ZCCHC7: variants seen among roughly 807,000 people sequenced by gnomAD.
ZCCHC7 encodes the protein zinc finger CCHC domain-containing protein 7.
Under a neutral mutation model 52.0 loss-of-function variants are expected in ZCCHC7, and 35 were observed. The observed-to-expected ratio is 0.67, with a 90% CI of 0.51 to 0.89. The LOEUF (loss-of-function observed/expected upper bound fraction) is 0.89. Ranked by LOEUF, ZCCHC7 falls within the 40% of genes least tolerant of loss-of-function variation. ZCCHC7 has a pLI of 0.00. For missense variants in ZCCHC7, 574 were observed against 649.1 expected (o/e 0.88, Z 1.26); for synonymous variants, 217 against 221.5 (o/e 0.98, Z 0.18).
chr9:37,305,023 G>A (rs754643977), intron 4 of ZCCHC7, among the ~76,000 whole-genome samples: 34 of 152,278 alleles, frequency 2.2e-4, no homozygotes, highest in East Asian at 1.9e-4. Context: ...TGTAAGTTAC[G>A]TTAAGCAGGT....
At chr9:37,176,977 C>T (rs1013306908) in intron 2 of ZCCHC7, among the ~76,000 whole-genome samples, 16 of 152,012 alleles carry the variant, frequency 1.1e-4, no homozygotes, top group Admixed American at 7.9e-4. Context: ...TCAGTCCTAC[C>T]CCTGGAAATA....
intron 2 of ZCCHC7, among the ~76,000 whole-genome samples, chr9:37,184,239 T>A (rs921435155): frequency 2.0e-5 from 3 of 152,216 alleles, no homozygotes; most frequent in Middle Eastern, 3.2e-3. Flanking sequence ...TATGTGTATG[T>A]TGTTAACTGA....
rs1472782041 is a variant in ZCCHC7, at chr9:37,358,023, A to T, written c.*755A>T. 6.6e-6 allele frequency: 1 copy of T among 152,150 alleles called. No homozygotes were observed. Among genetic ancestry groups the T allele is most frequent in the Non-Finnish European group, 1.5e-5 (1 of 68,030 alleles). 9.4% of individuals were successfully genotyped at this position (152,150 alleles called of 1,614,324 possible). On this transcript the variant is annotated 3_prime_UTR_variant, in exon 9 of 9. Coordinates refer to ENST00000336755, the MANE Select transcript of ZCCHC7 (RefSeq NM_032226.3). ...TGCAGAGATGAATATTACTCAAAAA[A>T]TTTTTTTGTTCTCTTGCATTTTTTT... is the stretch of plus-strand genomic sequence containing the variant.
intron 2 of ZCCHC7, among the ~76,000 whole-genome samples, chr9:37,144,716 T>C (rs187572181): frequency 6.2e-4 from 94 of 152,138 alleles, no homozygotes; most frequent in Middle Eastern, 3.4e-3. Context: ...CAGGTGTTAC[T>C]ATTTTATTGT....
At chr9:37,168,096 A>G (rs1162396233) in intron 2 of ZCCHC7, among the ~76,000 whole-genome samples, 1 of 151,762 alleles carries the variant, frequency 6.6e-6, no homozygotes, top group Non-Finnish European at 1.5e-5. Flanking sequence ...TTTCTGCTAA[A>G]CTCCAGGAGT....
chr9:37,327,833 C>A lies in ZCCHC7; in HGVS notation c.986C>A (p.Thr329Lys). ...CTEIWRQYHL[T>K]TKPGPPKKPK... ...GAAATCTGGAGGCAGTATCACCTAA[C>A]GGTGAGTAGAAACACCTTTTTTATT... The change falls in exon 6 of 9, where the codon ACG (threonine) becomes AAG (lysine). Residue 329 changes from threonine to lysine, a missense_variant and splice_region_variant. Thr to Lys is a moderately conservative substitution (Grantham distance 78). This residue lies in a region of ZCCHC7 where 403 missense variants were observed against 461.2 expected (regional missense o/e 0.87). Transcript: ENST00000336755. 12 of 1,612,902 alleles carry A rather than the reference C, an allele frequency of 7.4e-6. No homozygotes were observed. Among genetic ancestry groups the A allele is most frequent in the Non-Finnish European group, 1.0e-5 (12 of 1,179,162 alleles).
chr9:37,289,040 T>G (rs1828398998), intron 2 of ZCCHC7, among the ~76,000 whole-genome samples: 2 of 152,182 alleles, frequency 1.3e-5, no homozygotes, highest in Non-Finnish European at 2.9e-5. Context: ...CAAACTAAAT[T>G]CATCTTTCCC....
chr9:37,199,463 C>G (rs1823479521), intron 2 of ZCCHC7, among the ~76,000 whole-genome samples: 1 of 150,678 alleles, frequency 6.6e-6, no homozygotes, highest in African/African-American at 2.4e-5. Context: ...TCCCGAGTAG[C>G]TGGGATTATA....
At chr9:37,309,871 G>A (rs532130648) in intron 5 of ZCCHC7, among the ~76,000 whole-genome samples, 59 of 150,294 alleles carry the variant, frequency 3.9e-4, no homozygotes, top group Non-Finnish European at 6.5e-4. Flanking sequence ...TCAGTGAGCC[G>A]AGATTGCACC....
chr9:37,176,647 T>C (rs943793762), intron 2 of ZCCHC7, among the ~76,000 whole-genome samples: 1 of 152,002 alleles, frequency 6.6e-6, no homozygotes, highest in East Asian at 1.9e-4. Context: ...AATATATACA[T>C]TTAATGTATA....
chr9:37,168,080 C>T (rs1242326771), intron 2 of ZCCHC7, among the ~76,000 whole-genome samples: 1 of 152,092 alleles, frequency 6.6e-6, no homozygotes, highest in Non-Finnish European at 1.5e-5. Context: ...CCTGGGTTCT[C>T]ATCCCTTTCT....
chr9:37,151,256 G>A (rs901977603), intron 2 of ZCCHC7, among the ~76,000 whole-genome samples: 2 of 151,968 alleles, frequency 1.3e-5, no homozygotes, highest in Admixed American at 6.5e-5. Context: ...GTGAGCCACC[G>A]TGCCCGACCG....
chr9:37,353,387 C>T (rs922665395), intron 7 of ZCCHC7, among the ~76,000 whole-genome samples: 2 of 152,076 alleles, frequency 1.3e-5, no homozygotes, highest in Non-Finnish European at 2.9e-5. Context: ...TGAGACCTTG[C>T]CTCTACAAAA....
At chr9:37,178,810 A>G (rs1045368691) in intron 2 of ZCCHC7, among the ~76,000 whole-genome samples, 8 of 152,232 alleles carry the variant, frequency 5.3e-5, no homozygotes, top group Non-Finnish European at 1.2e-4. Flanking sequence ...CATTTTAGAA[A>G]TGTCAACTTG....
intron 2 of ZCCHC7, among the ~76,000 whole-genome samples, chr9:37,231,610 CT>C (rs1368585109): frequency 5.9e-5 from 9 of 152,072 alleles, no homozygotes; most frequent in Admixed American, 5.9e-4. Context: ...ACCTTTATAC[CT>C]TAAACGATAC....
intron 5 of ZCCHC7, among the ~76,000 whole-genome samples, chr9:37,320,021 T>TC (rs1213948535): frequency 8.5e-5 from 13 of 152,228 alleles, no homozygotes; most frequent in Non-Finnish European, 1.8e-4. Context: ...CATATGGTCT[T>TC]GATTACTATA....
chr9:37,210,629 C>G (rs936709946), intron 2 of ZCCHC7, among the ~76,000 whole-genome samples: 2 of 152,154 alleles, frequency 1.3e-5, no homozygotes, highest in Non-Finnish European at 2.9e-5. Flanking sequence ...ACTATTTAAC[C>G]AGCATCTAAG....
chr9:37,268,577 C>T (rs879337810), intron 2 of ZCCHC7, among the ~76,000 whole-genome samples: 1 of 152,094 alleles, frequency 6.6e-6, no homozygotes, highest in Non-Finnish European at 1.5e-5. Context: ...CAGGCGCCCG[C>T]CACCATGCCC....
At chr9:37,271,723 A>G (rs1034772708) in intron 2 of ZCCHC7, among the ~76,000 whole-genome samples, 1 of 152,000 alleles carries the variant, frequency 6.6e-6, no homozygotes, top group Non-Finnish European at 1.5e-5. Flanking sequence ...GGGTGCGCCA[A>G]CATGCCTGGC....
Sources: gnomAD v4.1 joint callset for allele counts (sites outside exome capture counted in the v4.1 genomes callset) on GRCh38, gnomAD v4.1.1 for gene constraint, gnomAD v4.1.1 regional missense constraint, MANE v1.5 for transcripts, NCBI Gene and HGNC (gene_info 2026-07-23, HGNC 2026-07-21) for gene names.